MYO9A: variants seen among roughly 807,000 people sequenced by gnomAD.
MYO9A encodes the protein myosin IXA.
A neutral mutation model predicts 293.3 loss-of-function variants in MYO9A; 103 were observed. The ratio of observed to expected loss-of-function variants is 0.35; its 90% confidence interval spans 0.30 to 0.41. The LOEUF (loss-of-function observed/expected upper bound fraction) is 0.41, where lower values mean the gene tolerates loss of function less well. Ranked by LOEUF, MYO9A falls within the 10% of genes least tolerant of loss-of-function variation. The pLI is 1.00. For missense variants in MYO9A, 2,685 were observed against 3,033.0 expected, an observed-to-expected ratio of 0.89 and a Z score of 2.69; for synonymous variants, 1,001 against 1,035.7, an observed-to-expected ratio of 0.97 and a Z score of 0.64.
At chr15:72,076,494 C>T (rs1201575546) in intron 1 of MYO9A, among the ~76,000 whole-genome samples, 2 of 151,966 alleles carry the variant, frequency 1.3e-5, no homozygotes, top group African/African-American at 4.8e-5. Context: ...TTTTTAAATA[C>T]CATTTATAAT....
At chr15:72,016,422 G>C (rs2077341038) in intron 6 of MYO9A, among the ~76,000 whole-genome samples, 2 of 152,124 alleles carry the variant, frequency 1.3e-5, no homozygotes, top group Non-Finnish European at 2.9e-5. Flanking sequence ...CACCACACAA[G>C]GGCAACAACA....
Position 71,830,179 on chromosome 15 carries a change from G to A in MYO9A, c.6970C>T (p.Gln2324Ter). Residue 2324 changes from glutamine (Q) to a stop codon, truncating the protein, a stop_gained, in exon 40 of 42, where the codon CAG (glutamine) becomes TAG (stop). Transcript: ENST00000356056. LOFTEE classifies it high-confidence loss of function. ...TCCTGCTGCATAGCTGCTTGCTGCT[G>A]TTCTGTGATGTCAGTCTCCATGGCT... ...EAAMETDITE[Q>*]QQAAMQQEER... is the part of the protein sequence containing the mutation. The A allele has an allele frequency of 6.2e-7, 1 of 1,614,082 alleles. No homozygotes were observed. Among genetic ancestry groups the A allele is most frequent in the East Asian group, 2.2e-5 (1 of 44,880 alleles).
At chr15:71,975,586 T>G (rs901729906) in intron 12 of MYO9A, among the ~76,000 whole-genome samples, 2 of 152,118 alleles carry the variant, frequency 1.3e-5, no homozygotes, top group African/African-American at 4.8e-5. Flanking sequence ...AACAGAATCT[T>G]TCTCTCTAAC....
intron 1 of MYO9A, among the ~76,000 whole-genome samples, chr15:72,098,253 C>T (rs2080130907): frequency 6.6e-6 from 1 of 151,614 alleles, no homozygotes; most frequent in African/African-American, 2.4e-5. Flanking sequence ...AGGAATTCCA[C>T]TGACCATGCC....
chr15:71,911,654 G>A (rs1354736718), intron 19 of MYO9A, among the ~76,000 whole-genome samples: 5 of 152,194 alleles, frequency 3.3e-5, no homozygotes, highest in East Asian at 1.9e-4. Context: ...AAACTACTAA[G>A]TAGAGACATA....
chr15:72,009,698 C>CA (rs550620735), intron 7 of MYO9A, among the ~76,000 whole-genome samples: 50 of 149,642 alleles, frequency 3.3e-4, no homozygotes, highest in East Asian at 7.9e-4. Context: ...ATGCTGTCTC[C>CA]AAAAAAAACA....
intron 39 of MYO9A, among the ~76,000 whole-genome samples, chr15:71,847,052 G>A (rs1370184037): frequency 6.6e-6 from 1 of 152,208 alleles, no homozygotes; most frequent in Non-Finnish European, 1.5e-5. Context: ...AAGTGGAGGA[G>A]ATTGCTGGGA....
At chr15:71,913,824 T>C (rs1373103394) in intron 19 of MYO9A, among the ~76,000 whole-genome samples, 5 of 152,192 alleles carry the variant, frequency 3.3e-5, no homozygotes, top group Non-Finnish European at 5.9e-5. Flanking sequence ...ATTAGGACTA[T>C]TTTGGTCCCA....
In MYO9A at chr15:71,990,089, A is replaced by ATT. The variant is rs71133942; in HGVS notation, c.1722+1012_1722+1013dup. Among the ~76,000 whole-genome samples, 659 of 142,914 alleles carry ATT rather than the reference A, an allele frequency of 4.6e-3. 5 individuals carry two copies. The highest frequency in any genetic ancestry group is 0.014 in the South Asian group (63 of 4,400). 93.8% of individuals were successfully genotyped at this position (142,914 alleles called of 152,430 possible). ...GCAATCAAATAAGCATATATAAGCA[A>ATT]TTTTTTTTTTTTTTTGAGACAGTCT... On this transcript the variant is annotated intron_variant, in intron 11 of 41. Coordinates refer to ENST00000356056, the MANE Select transcript of MYO9A (RefSeq NM_006901.4).
In MYO9A at chr15:71,880,380, T is replaced by C. The variant is rs1316858591; in HGVS notation, c.5577A>G (p.Ala1859=). 6.2e-7 allele frequency: 1 copy of C among 1,614,230 alleles called. No individual in the cohort carries two copies. Residue 1859 remains alanine, a synonymous_variant, in exon 29 of 42, where the codon GCA becomes GCG. Coordinates refer to ENST00000356056, the MANE Select transcript of MYO9A (RefSeq NM_006901.4). The part of the protein sequence containing the change: ...HWQNDSVQII[A]SVSDLKSMDE... ...CCATGCTTTTTAAATCACTGACACTTGCTATGATCTGGACAGAGTCATTTT... is the reference window on the plus strand; with the variant it reads ...CCATGCTTTTTAAATCACTGACACTCGCTATGATCTGGACAGAGTCATTTT...
chr15:71,847,504 G>A, intron 39 of MYO9A: 1 of 448,410 alleles, frequency 2.2e-6, no homozygotes. Flanking sequence ...AAAGCAGAAG[G>A]TTAGAATGTA....
intron 1 of MYO9A, among the ~76,000 whole-genome samples, chr15:72,105,502 C>CTTTTTTT (rs35861022): frequency 4.5e-5 from 4 of 89,280 alleles, no homozygotes; most frequent in Middle Eastern, 7.9e-3. Flanking sequence ...GCTGGGAAAG[C>CTTTTTTT]TTTTTTTTTT....
intron 34 of MYO9A, among the ~76,000 whole-genome samples, chr15:71,858,282 A>G (rs1265459022): frequency 6.6e-6 from 1 of 152,230 alleles, no homozygotes; most frequent in African/African-American, 2.4e-5. Flanking sequence ...ATTATGAATC[A>G]TGCTGCTATA....
At chr15:71,920,219 TA>T (rs2058120811) in intron 18 of MYO9A, among the ~76,000 whole-genome samples, 2 of 152,238 alleles carry the variant, frequency 1.3e-5, no homozygotes, top group South Asian at 2.1e-4. Context: ...ACCAGTTTAT[TA>T]TTTTTTTCAA....
intron 14 of MYO9A, among the ~76,000 whole-genome samples, chr15:71,957,332 T>C (rs188982788): frequency 3.3e-5 from 5 of 152,264 alleles, no homozygotes; most frequent in Admixed American, 2.6e-4. Flanking sequence ...TCTGACAAAG[T>C]TGTTTTGACA....
intron 22 of MYO9A, among the ~76,000 whole-genome samples, chr15:71,901,657 C>CAA (rs371281747): frequency 3.7e-5 from 4 of 108,424 alleles, no homozygotes; most frequent in Admixed American, 2.0e-4. Flanking sequence ...ACCTGGTCTC[C>CAA]AAAAAAAAAA....
Position 72,045,892 on chromosome 15 carries a change from A to G in MYO9A, c.672T>C (p.His224=), listed in dbSNP as rs1206081563. 6.2e-7 allele frequency: 1 copy of G among 1,614,056 alleles called. No homozygotes were observed. The highest frequency in any genetic ancestry group is 8.5e-7 in the Non-Finnish European group (1 of 1,180,042). ...GATTCTTTTTGCGCTGAAGCATGGC[A>G]TGATAAGCTACATCAGCCACAGCAT... ...HIYAVADVAY[H]AMLQRKKNQC... The change falls in exon 2 of 42, where the codon CAT becomes CAC. Residue 224 remains histidine, a synonymous_variant. Transcript: ENST00000356056.
chr15:71,887,883 TAA>T (rs1439887110), intron 27 of MYO9A, 119 bp downstream of exon 27: 7 of 508,114 alleles, frequency 1.4e-5, no homozygotes, highest in Admixed American at 1.2e-4. Context: ...AATTGGTAAA[TAA>T]GTTTAATTTC....
chr15:72,069,963 C>CAA (rs34461691), intron 1 of MYO9A, among the ~76,000 whole-genome samples: 9 of 134,288 alleles, frequency 6.7e-5, no homozygotes, highest in East Asian at 2.1e-4. Flanking sequence ...ACTAAAAATA[C>CAA]AAAAAAAAAA....
Sources: allele counts gnomAD v4.1 joint callset (sites outside exome capture counted in the v4.1 genomes callset), GRCh38; gene constraint gnomAD v4.1.1; transcripts MANE v1.5; gene names NCBI Gene and HGNC (gene_info 2026-07-23, HGNC 2026-07-21).